Variants in RTF1 observed in about 807,000 individuals in gnomAD.
The protein encoded by RTF1 is RTF1 homolog, Paf1/RNA polymerase II complex component.
Under a neutral mutation model 95.7 loss-of-function variants are expected in RTF1, and 10 were observed. The ratio of observed to expected loss-of-function variants is 0.10; its 90% confidence interval spans 0.06 to 0.18. The LOEUF (loss-of-function observed/expected upper bound fraction) is 0.18, where lower values mean the gene tolerates loss of function less well. RTF1 is among the 10% of genes least tolerant of loss of function. RTF1 has a pLI of 1.00. For synonymous variants in RTF1, 305 were observed against 311.8 expected (o/e 0.98, Z 0.23); for missense variants, 458 against 875.6 (o/e 0.52, Z 6.02).
intron 1 of RTF1, among the ~76,000 whole-genome samples, chr15:41,426,288 T>G (rs1339411418): frequency 6.6e-6 from 1 of 151,418 alleles, no homozygotes; most frequent in Non-Finnish European, 1.5e-5. Context: ...CATGCCCAGC[T>G]AATTTTTTTG....
At chr15:41,458,521 C>T (rs1233714179) in intron 4 of RTF1, among the ~76,000 whole-genome samples, 4 of 152,066 alleles carry the variant, frequency 2.6e-5, no homozygotes, top group South Asian at 2.1e-4. Context: ...CCGAGGTGGA[C>T]GGATCACCAG....
chr15:41,456,959 C>G (rs1227539192), intron 3 of RTF1, among the ~76,000 whole-genome samples: 1 of 152,024 alleles, frequency 6.6e-6, no homozygotes, highest in Non-Finnish European at 1.5e-5. Context: ...TGGCGTGCAC[C>G]TGTAGTCCCA....
intron 3 of RTF1, among the ~76,000 whole-genome samples, chr15:41,456,066 C>A (rs146354938): frequency 1.3e-3 from 191 of 151,742 alleles, no homozygotes; most frequent in African/African-American, 4.2e-3. Context: ...ATTAGCCGGG[C>A]GTGGTGGCAT....
In RTF1 at chr15:41,482,513, T is replaced by C. The variant is rs977558619; in HGVS notation, c.*1826T>C. On this transcript the variant is annotated 3_prime_UTR_variant, in exon 18 of 18. Coordinates refer to ENST00000389629, the MANE Select transcript of RTF1 (RefSeq NM_015138.5). Reference sequence around the variant, plus strand: ...ACTTCTGGGTTTAGTAGAGCCTCAGTGTCGCTTTAACTTAGTTTACTTTTT... The same window carrying C: ...ACTTCTGGGTTTAGTAGAGCCTCAGCGTCGCTTTAACTTAGTTTACTTTTT... 1 of 152,408 alleles carries C rather than the reference T, an allele frequency of 6.6e-6. No homozygotes were observed. The highest frequency in any genetic ancestry group is 2.4e-5 in the African/African-American group (1 of 41,460). The allele number at this position is 152,408 out of a possible 1,614,324, so 9.4% of individuals were successfully genotyped here.
chr15:41,455,849 A>T (rs1362245656), intron 3 of RTF1, among the ~76,000 whole-genome samples: 1 of 152,010 alleles, frequency 6.6e-6, no homozygotes, highest in East Asian at 1.9e-4. Context: ...AAGAGTACAT[A>T]TTGGGTACAG....
At position 41,475,510 on chromosome 15, in the gene RTF1, C is replaced by G. The variant is rs1938287026; in HGVS notation, c.1287-15C>G. On this transcript the variant is annotated splice_polypyrimidine_tract_variant and intron_variant, in intron 9 of 17. Coordinates refer to ENST00000389629, the MANE Select transcript of RTF1 (RefSeq NM_015138.5). ...CATGCACATTTCTTGGAGATGCTGTCTCTCTTTTATGTAGGCATGGCAATG... is the reference window on the plus strand; with the variant it reads ...CATGCACATTTCTTGGAGATGCTGTGTCTCTTTTATGTAGGCATGGCAATG... 4.3e-6 allele frequency: 7 copies of G among 1,609,850 alleles called. No individual in the cohort carries two copies. Among genetic ancestry groups the G allele is most frequent in the Non-Finnish European group, 6.0e-6 (7 of 1,176,228 alleles).
chr15:41,475,429 G>GGT, intron 9 of RTF1, 96 bp from the exon 10 acceptor site: 2 of 893,482 alleles, frequency 2.2e-6, no homozygotes, highest in Non-Finnish European at 3.7e-6. Context: ...CACTGCAATA[G>GGT]GTATATATAG....
At chr15:41,464,485 C>A (rs1036327426) in intron 4 of RTF1, among the ~76,000 whole-genome samples, 1 of 151,848 alleles carries the variant, frequency 6.6e-6, no homozygotes, top group Non-Finnish European at 1.5e-5. Flanking sequence ...TTGATCCCCC[C>A]GCCTCGGCCT....
At chr15:41,433,596 C>T (rs2050686679) in intron 1 of RTF1, among the ~76,000 whole-genome samples, 2 of 152,068 alleles carry the variant, frequency 1.3e-5, no homozygotes, top group South Asian at 4.1e-4. Context: ...AGTGGTATTA[C>T]AAACGTGAGC....
At chr15:41,459,184 C>G (rs1302942381) in intron 4 of RTF1, among the ~76,000 whole-genome samples, 4 of 152,134 alleles carry the variant, frequency 2.6e-5, no homozygotes, top group Non-Finnish European at 5.9e-5. Context: ...AATTCAAGAC[C>G]AGTCATGGCA....
intron 1 of RTF1, among the ~76,000 whole-genome samples, chr15:41,418,608 C>A (rs955517577): frequency 6.6e-6 from 1 of 151,828 alleles, no homozygotes; most frequent in East Asian, 1.9e-4. Flanking sequence ...GTCGGGAGTT[C>A]GAGACCAGCC....
chr15:41,467,592 G>A (rs145788704), intron 6 of RTF1, among the ~76,000 whole-genome samples: 1 of 152,214 alleles, frequency 6.6e-6, no homozygotes. Flanking sequence ...GTGCATGCCT[G>A]TAATCCCAGC....
chr15:41,457,972 T>G, intron 4 of RTF1, 96 bp downstream of exon 4: 1 of 874,660 alleles, frequency 1.1e-6, no homozygotes, highest in Non-Finnish European at 1.8e-6. Context: ...GACCTACACA[T>G]GGAGACTGGC....
chr15:41,425,954 A>G (rs1166261829), intron 1 of RTF1, among the ~76,000 whole-genome samples: 1 of 152,054 alleles, frequency 6.6e-6, no homozygotes, highest in Admixed American at 6.6e-5. Context: ...TGACTATGAG[A>G]TGTCTAAGTG....
chr15:41,439,473 G>A (rs1871441767), intron 2 of RTF1, among the ~76,000 whole-genome samples: 1 of 152,142 alleles, frequency 6.6e-6, no homozygotes, highest in South Asian at 2.1e-4. Flanking sequence ...ATCCCTCCGA[G>A]TGATGGTGTT....
At chr15:41,462,831 T>G (rs547500520) in intron 4 of RTF1, among the ~76,000 whole-genome samples, 1 of 152,072 alleles carries the variant, frequency 6.6e-6, no homozygotes, top group Admixed American at 6.6e-5. Context: ...TTATAGCTCA[T>G]TGAAGCCTCG....
At chr15:41,468,330 T>G (rs1170311684) in intron 6 of RTF1, among the ~76,000 whole-genome samples, 1 of 151,748 alleles carries the variant, frequency 6.6e-6, no homozygotes, top group Non-Finnish European at 1.5e-5. Flanking sequence ...GAAACCTTTT[T>G]TTTTTGAGAC....
At chr15:41,474,815 A>G in intron 9 of RTF1, 113 bp downstream of exon 9, 1 of 796,908 alleles carries the variant, frequency 1.3e-6, no homozygotes. Flanking sequence ...TATGTATGCA[A>G]TCCCCACAAG....
Position 41,475,834 on chromosome 15 carries a change from G to A in RTF1, c.1482+15G>A. 1.5e-6 allele frequency: 2 copies of A among 1,362,528 alleles called. No individual in the cohort carries two copies. The highest frequency in any genetic ancestry group is 2.1e-6 in the Non-Finnish European group (2 of 969,856). 84.4% of individuals were successfully genotyped at this position (1,362,528 alleles called of 1,614,324 possible). A position where few individuals can be genotyped will look rare whatever the true frequency, so the allele number is the denominator to read the frequency against. On this transcript the variant is annotated intron_variant, in intron 11 of 17. Transcript: ENST00000389629. ...ACATTGAAGAGGTAAGAAAACTGGT[G>A]CCCCAGAACCCGGAGGTTCATCAAG...
Sources: gnomAD v4.1 joint callset for allele counts (sites outside exome capture counted in the v4.1 genomes callset) on GRCh38, gnomAD v4.1.1 for gene constraint, MANE v1.5 for transcripts, NCBI Gene and HGNC (gene_info 2026-07-23, HGNC 2026-07-21) for gene names.